PPM1L: variants seen among roughly 807,000 people sequenced by gnomAD.
The protein encoded by PPM1L is protein phosphatase, Mg2+/Mn2+ dependent 1L.
Under a neutral mutation model 31.4 loss-of-function variants are expected in PPM1L, and 13 were observed. That is an observed-to-expected ratio of 0.41 (90% CI 0.27 to 0.66). The LOEUF is 0.66. PPM1L is among the 30% of genes least tolerant of loss of function. The probability of loss-of-function intolerance (pLI) is 0.29; values close to 1 mark genes in which losing one functional copy is unlikely to be tolerated. For missense variants in PPM1L, 326 were observed against 453.7 expected (o/e 0.72, Z 2.56); for synonymous variants, 184 against 175.4 (o/e 1.05, Z -0.39).
intron 1 of PPM1L, among the ~76,000 whole-genome samples, chr3:160,812,958 A>G (rs1712854731): frequency 6.6e-6 from 1 of 152,228 alleles, no homozygotes; most frequent in Non-Finnish European, 1.5e-5. Context: ...TTGTCCTTCC[A>G]GAACAGAATT....
chr3:160,887,558 G>A (rs1712956792), intron 1 of PPM1L, among the ~76,000 whole-genome samples: 1 of 151,288 alleles, frequency 6.6e-6, no homozygotes, highest in Admixed American at 6.6e-5. Context: ...GAAGAGATTG[G>A]GGGCTAATAT....
intron 1 of PPM1L, among the ~76,000 whole-genome samples, chr3:160,914,259 T>C (rs931058375): frequency 9.9e-5 from 15 of 152,166 alleles, no homozygotes; most frequent in Admixed American, 2.0e-4. Flanking sequence ...TTTTACTGTG[T>C]TATTTGACTT....
At chr3:160,929,183 T>G (rs999063931) in intron 1 of PPM1L, among the ~76,000 whole-genome samples, 18 of 152,146 alleles carry the variant, frequency 1.2e-4, no homozygotes, top group African/African-American at 4.1e-4. Flanking sequence ...TATTTTCCAA[T>G]TAGAGTGTAT....
chr3:160,799,471 TTAAGA>T (rs1298916391), intron 1 of PPM1L, among the ~76,000 whole-genome samples: 1 of 152,244 alleles, frequency 6.6e-6, no homozygotes, highest in Non-Finnish European at 1.5e-5. Flanking sequence ...CTAGTTTTAA[TTAAGA>T]TATGTACATT....
intron 1 of PPM1L, among the ~76,000 whole-genome samples, chr3:160,818,845 A>G (rs192167610): frequency 1.3e-5 from 2 of 151,944 alleles, no homozygotes; most frequent in African/African-American, 2.4e-5. Flanking sequence ...TTTCTTTTTG[A>G]TATGTTTTGG....
At chr3:160,765,758 A>G (rs1715086877) in intron 1 of PPM1L, among the ~76,000 whole-genome samples, 1 of 152,226 alleles carries the variant, frequency 6.6e-6, no homozygotes, top group African/African-American at 2.4e-5. Context: ...GCTTGACTTT[A>G]GGATAAATAT....
At position 160,786,085 on chromosome 3, in the gene PPM1L, CTT is replaced by C. The variant is rs1459330075; in HGVS notation, c.399+29382_399+29383del. Among the ~76,000 whole-genome samples, 4 of 136,592 alleles carry C rather than the reference CTT, an allele frequency of 2.9e-5. No individual in the cohort carries two copies. The South Asian group carries it at 9.8e-4, about 33-fold the overall frequency. The allele number at this position is 136,592 out of a possible 152,430, so 89.6% of individuals were successfully genotyped here. ...CATGCCAGAGCACTGTATCTTTAAA[CTT>C]TTTGATTTTTGCAAGTTGGATAAAG... On this transcript the variant is annotated intron_variant, in intron 1 of 3. Coordinates refer to ENST00000498165, the MANE Select transcript of PPM1L (RefSeq NM_139245.4).
intron 1 of PPM1L, among the ~76,000 whole-genome samples, chr3:160,835,111 CTTCTTCT>C (rs1171639700): frequency 4.2e-5 from 4 of 94,830 alleles, no homozygotes; most frequent in Non-Finnish European, 8.0e-5. Context: ...TTCTTTCTTC[CTTCTTCT>C]TTCTTCTTTC....
intron 2 of PPM1L, among the ~76,000 whole-genome samples, chr3:161,026,739 C>T (rs1718407623): frequency 6.6e-6 from 1 of 151,652 alleles, no homozygotes; most frequent in South Asian, 2.1e-4. Flanking sequence ...ATAGAAGTGT[C>T]TTGGTGTCTT....
At chr3:160,915,194 T>C (rs536841010) in intron 1 of PPM1L, among the ~76,000 whole-genome samples, 1 of 151,898 alleles carries the variant, frequency 6.6e-6, no homozygotes, top group African/African-American at 2.4e-5. Context: ...TAAGCTGATA[T>C]GCAATTTCAG....
intron 1 of PPM1L, among the ~76,000 whole-genome samples, chr3:160,804,964 A>G (rs1712553212): frequency 6.6e-6 from 1 of 152,166 alleles, no homozygotes; most frequent in Non-Finnish European, 1.5e-5. Context: ...GTGGGACTCA[A>G]ATGGAGGAAG....
intron 1 of PPM1L, among the ~76,000 whole-genome samples, chr3:160,802,424 C>T (rs960587037): frequency 6.6e-6 from 1 of 152,156 alleles, no homozygotes; most frequent in African/African-American, 2.4e-5. Flanking sequence ...TGACTCCATG[C>T]AAGTGAGCAA....
At chr3:160,938,799 C>G (rs1281966973) in intron 1 of PPM1L, among the ~76,000 whole-genome samples, 1 of 152,134 alleles carries the variant, frequency 6.6e-6, no homozygotes, top group Non-Finnish European at 1.5e-5. Flanking sequence ...TGACTGGGAA[C>G]CCAGATTTCC....
chr3:160,997,449 G>A (rs1397312433), intron 2 of PPM1L, among the ~76,000 whole-genome samples: 3 of 152,228 alleles, frequency 2.0e-5, no homozygotes, highest in Non-Finnish European at 2.9e-5. Context: ...AAGGGAGAAG[G>A]ATAACATTGT....
intron 1 of PPM1L, among the ~76,000 whole-genome samples, chr3:160,869,700 CTGCCTTTGG>C (rs1156806947): frequency 1.4e-5 from 2 of 146,474 alleles, no homozygotes; most frequent in African/African-American, 5.0e-5. Context: ...TTTATAGGTT[CTGCCTTTGG>C]TGCAATGTAT....
At chr3:161,065,668 A>G (rs1368933791) in intron 3 of PPM1L, 104 bp downstream of exon 3, 1 of 1,015,238 alleles carries the variant, frequency 9.8e-7, no homozygotes, top group Non-Finnish European at 1.5e-6. Flanking sequence ...GCAGTATTAG[A>G]GAGGCTGCTA....
chr3:161,066,391 T>A (rs755411992), intron 3 of PPM1L, among the ~76,000 whole-genome samples: 2 of 151,806 alleles, frequency 1.3e-5, no homozygotes, highest in Non-Finnish European at 2.9e-5. Context: ...CAAAAAAAAA[T>A]AGTAAAAGTA....
intron 1 of PPM1L, among the ~76,000 whole-genome samples, chr3:160,772,006 G>T (rs1348446720): frequency 6.6e-6 from 1 of 152,026 alleles, no homozygotes; most frequent in Non-Finnish European, 1.5e-5. Flanking sequence ...GGTACCTTCA[G>T]GCCTGACCTG....
intron 2 of PPM1L, among the ~76,000 whole-genome samples, chr3:161,063,226 C>T (rs1719626784): frequency 6.6e-6 from 1 of 151,764 alleles, no homozygotes; most frequent in South Asian, 2.1e-4. Flanking sequence ...AAAAAAAAAT[C>T]AAAAACTGGT....
Sources: allele counts gnomAD v4.1 joint callset (sites outside exome capture counted in the v4.1 genomes callset), GRCh38; gene constraint gnomAD v4.1.1; transcripts MANE v1.5; gene names NCBI Gene and HGNC (gene_info 2026-07-23, HGNC 2026-07-21).